Variants in NRXN1 observed in about 807,000 individuals in gnomAD.
NRXN1 encodes neurexin-1.
In NRXN1, 39 loss-of-function variants were observed where a neutral mutation model predicts 150.9. The observed-to-expected ratio is 0.26, with a 90% CI of 0.20 to 0.34. The LOEUF is 0.34. NRXN1 is among the 10% of genes least tolerant of loss of function. The pLI, the probability that NRXN1 is intolerant of heterozygous loss-of-function variation, is 1.00. For missense variants in NRXN1, 1,815 were observed against 1,949.9 expected, an observed-to-expected ratio of 0.93 and a Z score of 1.30; for synonymous variants, 924 against 757.0, an observed-to-expected ratio of 1.22 and a Z score of -3.62.
intron 17 of NRXN1, among the ~76,000 whole-genome samples, chr2:50,456,449 A>G (rs2087568389): frequency 6.6e-6 from 1 of 152,152 alleles, no homozygotes; most frequent in Non-Finnish European, 1.5e-5. Flanking sequence ...CACGTATAGC[A>G]TCACAGAACT....
intron 2 of NRXN1, among the ~76,000 whole-genome samples, chr2:50,930,992 C>T (rs1423831673): frequency 2.0e-5 from 3 of 152,130 alleles, no homozygotes; most frequent in African/African-American, 7.2e-5. Flanking sequence ...TAAATACACC[C>T]TACCTACTTT....
intron 17 of NRXN1, among the ~76,000 whole-genome samples, chr2:50,360,539 A>T (rs764564072): frequency 9.9e-5 from 15 of 152,190 alleles, no homozygotes; most frequent in Non-Finnish European, 1.8e-4. Context: ...ATGGTAAAGG[A>T]ATCAATGCAA....
At chr2:50,238,005 C>A (rs1034625876) in intron 17 of NRXN1, among the ~76,000 whole-genome samples, 20 of 152,002 alleles carry the variant, frequency 1.3e-4, no homozygotes, top group Non-Finnish European at 2.4e-4. Context: ...GAAGAAGGTG[C>A]CTGCTTCCCC....
At chr2:50,760,156 A>C (rs1701639757) in intron 5 of NRXN1, among the ~76,000 whole-genome samples, 1 of 151,884 alleles carries the variant, frequency 6.6e-6, no homozygotes. Context: ...TTATTCTTCA[A>C]AGGCCTCAAG....
chr2:50,079,695 C>A (rs1697652258), intron 19 of NRXN1, among the ~76,000 whole-genome samples: 1 of 151,680 alleles, frequency 6.6e-6, no homozygotes, highest in African/African-American at 2.4e-5. Context: ...TATCAGTATT[C>A]TATTGAGTTT....
In NRXN1 at chr2:50,477,885, G is replaced by C. The variant is rs1276783815; in HGVS notation, c.3071-5414C>G. Reference sequence around the variant, plus strand: ...CTTCATTTTAAGAAGATTGGACCTTGGAGAGAAAATTTGGGTGCAGCTTTT... The same window carrying C: ...CTTCATTTTAAGAAGATTGGACCTTCGAGAGAAAATTTGGGTGCAGCTTTT... On this transcript the variant is annotated intron_variant, in intron 15 of 22. Coordinates refer to ENST00000401669, the MANE Select transcript of NRXN1 (RefSeq NM_001330078.2). Among the ~76,000 whole-genome samples, 3 of 152,142 alleles carry C rather than the reference G, an allele frequency of 2.0e-5. No homozygotes were observed. The South Asian group carries it at 6.2e-4, about 31-fold the overall frequency.
intron 21 of NRXN1, among the ~76,000 whole-genome samples, chr2:50,034,266 G>C (rs1573526846): frequency 6.6e-6 from 1 of 152,046 alleles, no homozygotes; most frequent in Non-Finnish European, 1.5e-5. Context: ...TGGTAGACTG[G>C]ATAAAGAAAT....
intron 2 of NRXN1, among the ~76,000 whole-genome samples, chr2:50,942,880 C>T (rs1315530569): frequency 1.3e-5 from 2 of 152,238 alleles, no homozygotes; most frequent in East Asian, 1.9e-4. Context: ...GTGAAAGAGA[C>T]ATGAGATTTG....
intron 5 of NRXN1, among the ~76,000 whole-genome samples, chr2:50,856,141 G>A (rs1675243210): frequency 6.6e-6 from 1 of 151,766 alleles, no homozygotes; most frequent in Non-Finnish European, 1.5e-5. Context: ...AGGAAAGAAT[G>A]GGAGATAATA....
intron 5 of NRXN1, among the ~76,000 whole-genome samples, chr2:50,624,167 G>C (rs1680565928): frequency 6.6e-6 from 1 of 152,100 alleles, no homozygotes; most frequent in African/African-American, 2.4e-5. Flanking sequence ...TGATAGACTG[G>C]ATTAAGAAAA....
intron 5 of NRXN1, among the ~76,000 whole-genome samples, chr2:50,866,401 C>T (rs1279251060): frequency 6.6e-6 from 1 of 151,986 alleles, no homozygotes; most frequent in Non-Finnish European, 1.5e-5. Flanking sequence ...TTGTTATTAT[C>T]CAATGCTGAA....
intron 22 of NRXN1, among the ~76,000 whole-genome samples, chr2:49,929,688 C>T (rs1669784687): frequency 6.6e-6 from 1 of 152,118 alleles, no homozygotes; most frequent in South Asian, 2.1e-4. Flanking sequence ...GTACTTATTT[C>T]TCGAAGCTTG....
intron 5 of NRXN1, among the ~76,000 whole-genome samples, chr2:50,804,880 C>A (rs1400554273): frequency 4.6e-5 from 7 of 152,150 alleles, no homozygotes; most frequent in Admixed American, 4.6e-4. Flanking sequence ...TAGTTGTTAT[C>A]CAATGACTAT....
chr2:50,755,369 A>T (rs1170637156), intron 5 of NRXN1, among the ~76,000 whole-genome samples: 1 of 151,830 alleles, frequency 6.6e-6, no homozygotes, highest in African/African-American at 2.4e-5. Context: ...TGAGCAAAAA[A>T]GTCAGCAATG....
intron 5 of NRXN1, among the ~76,000 whole-genome samples, chr2:50,713,656 G>A (rs997505140): frequency 6.6e-6 from 1 of 152,076 alleles, no homozygotes; most frequent in Non-Finnish European, 1.5e-5. Context: ...AGGTTGGGGA[G>A]CATGTGTATG....
chr2:50,556,586 A>G (rs2105366185), intron 8 of NRXN1, among the ~76,000 whole-genome samples: 1 of 151,396 alleles, frequency 6.6e-6, no homozygotes, highest in Non-Finnish European at 1.5e-5. Context: ...ATTTCTTCAA[A>G]TATTTGTTAG....
chr2:50,099,469 T>G (rs2152708171), intron 18 of NRXN1, among the ~76,000 whole-genome samples: 1 of 152,272 alleles, frequency 6.6e-6, no homozygotes, highest in South Asian at 2.1e-4. Flanking sequence ...ACCATCACCA[T>G]TATTTAATTT....
chr2:50,009,150 T>C (rs1453034558), intron 21 of NRXN1, among the ~76,000 whole-genome samples: 1 of 152,148 alleles, frequency 6.6e-6, no homozygotes, highest in African/African-American at 2.4e-5. Context: ...GTATTTATGA[T>C]AGTATCGATA....
chr2:50,892,935 C>T (rs975846133), intron 5 of NRXN1, among the ~76,000 whole-genome samples: 1 of 152,112 alleles, frequency 6.6e-6, no homozygotes, highest in African/African-American at 2.4e-5. Context: ...TCTGGGTTTG[C>T]CCCTAGCCAA....
Sources: gnomAD v4.1 joint callset for allele counts (sites outside exome capture counted in the v4.1 genomes callset) on GRCh38, gnomAD v4.1.1 for gene constraint, MANE v1.5 for transcripts, NCBI Gene and HGNC (gene_info 2026-07-23, HGNC 2026-07-21) for gene names.